LMX1A: variants seen among roughly 807,000 people sequenced by gnomAD.
LMX1A encodes the protein LIM homeobox transcription factor 1-alpha.
Under a neutral mutation model 49.1 loss-of-function variants are expected in LMX1A, and 15 were observed. That is an observed-to-expected ratio of 0.31 (90% CI 0.20 to 0.47). The LOEUF (loss-of-function observed/expected upper bound fraction) is 0.47, where lower values mean the gene tolerates loss of function less well. LMX1A is among the 20% of genes least tolerant of loss of function. The pLI, the probability that LMX1A is intolerant of heterozygous loss-of-function variation, is 1.00. For missense variants in LMX1A, 372 were observed against 475.8 expected (o/e 0.78, Z 2.03); for synonymous variants, 167 against 185.7 (o/e 0.90, Z 0.82).
rs145624230 is a variant in LMX1A at position 165,338,953 on chromosome 1, C to T, written c.263+14123G>A. Among the ~76,000 whole-genome samples the T allele has an allele frequency of 2.8e-4, 43 of 152,338 alleles. 1 individual carries two copies. In the East Asian group the frequency reaches 7.1e-3, roughly 25 times the overall value. On this transcript the variant is annotated intron_variant, in intron 3 of 8. Coordinates refer to ENST00000342310, the MANE Select transcript of LMX1A (RefSeq NM_177398.4). ...TGACCATACACTGTTCTCCCTCTCC[C>T]TGTCAAAACAATTAATTCTCCACCA...
chr1:165,291,790 G>A (rs910310521), intron 3 of LMX1A, among the ~76,000 whole-genome samples: 3 of 152,200 alleles, frequency 2.0e-5, no homozygotes, highest in Non-Finnish European at 2.9e-5. Flanking sequence ...GCGGCCGGGC[G>A]CGGTGGCTCA....
intron 3 of LMX1A, among the ~76,000 whole-genome samples, chr1:165,290,565 CA>C (rs1654440327): frequency 6.6e-6 from 1 of 152,148 alleles, no homozygotes; most frequent in South Asian, 2.1e-4. Context: ...TTAATTTAAT[CA>C]CATCTACAAA....
intron 3 of LMX1A, among the ~76,000 whole-genome samples, chr1:165,333,288 G>C (rs759152011): frequency 4.0e-4 from 61 of 152,184 alleles, no homozygotes; most frequent in Non-Finnish European, 5.1e-4. Flanking sequence ...CTCCCGAGTA[G>C]CTGGGATTAC....
At chr1:165,221,944 C>CACACACACACACAT (rs148884855) in intron 4 of LMX1A, among the ~76,000 whole-genome samples, 1 of 149,266 alleles carries the variant, frequency 6.7e-6, no homozygotes, top group Non-Finnish European at 1.5e-5. Flanking sequence ...CACACACACA[C>CACACACACACACAT]GCACACGCAC....
At chr1:165,257,205 T>C (rs1653280630) in intron 3 of LMX1A, among the ~76,000 whole-genome samples, 1 of 152,160 alleles carries the variant, frequency 6.6e-6, no homozygotes, top group Non-Finnish European at 1.5e-5. Context: ...AATCTGACCA[T>C]ATTTCAGTTC....
At chr1:165,210,672 G>A in intron 6 of LMX1A, 27 bp downstream of exon 6, 1 of 1,560,924 alleles carries the variant, frequency 6.4e-7, no homozygotes. Context: ...GCAACATGGG[G>A]ACAGATAAAA....
At chr1:165,271,560 G>A (rs1394827376) in intron 3 of LMX1A, among the ~76,000 whole-genome samples, 8 of 152,104 alleles carry the variant, frequency 5.3e-5, no homozygotes, top group South Asian at 2.1e-4. Context: ...ATAGCTAATC[G>A]AAGTACATGG....
intron 4 of LMX1A, among the ~76,000 whole-genome samples, chr1:165,229,351 G>C (rs988600588): frequency 4.6e-5 from 7 of 152,178 alleles, no homozygotes; most frequent in Non-Finnish European, 1.0e-4. Context: ...CTTGGGGAGA[G>C]CATTTATTAA....
intron 4 of LMX1A, among the ~76,000 whole-genome samples, chr1:165,216,927 T>C (rs1370123586): frequency 6.6e-6 from 1 of 152,152 alleles, no homozygotes; most frequent in African/African-American, 2.4e-5. Context: ...ACAGTGTTGT[T>C]GGAATTAAAT....
intron 3 of LMX1A, among the ~76,000 whole-genome samples, chr1:165,264,783 C>T (rs1012245130): frequency 6.6e-6 from 1 of 151,590 alleles, no homozygotes; most frequent in African/African-American, 2.4e-5. Context: ...TTGGGGAGAC[C>T]CCGTCTCAAT....
At chr1:165,283,802 A>G (rs1052819068) in intron 3 of LMX1A, among the ~76,000 whole-genome samples, 14 of 152,218 alleles carry the variant, frequency 9.2e-5, no homozygotes, top group African/African-American at 3.1e-4. Context: ...TAAAATACAC[A>G]CAAACACAAA....
intron 3 of LMX1A, among the ~76,000 whole-genome samples, chr1:165,297,447 T>C (rs1654647609): frequency 6.6e-6 from 1 of 152,224 alleles, no homozygotes; most frequent in Non-Finnish European, 1.5e-5. Flanking sequence ...CCTGGAAGTC[T>C]GGATTCTTAG....
At chr1:165,312,913 A>G (rs1202510404) in intron 3 of LMX1A, among the ~76,000 whole-genome samples, 2 of 152,252 alleles carry the variant, frequency 1.3e-5, no homozygotes, top group Non-Finnish European at 2.9e-5. Context: ...ATTTATATTT[A>G]GACTTCAGTG....
At chr1:165,238,930 T>C (rs1386080171) in intron 4 of LMX1A, among the ~76,000 whole-genome samples, 2 of 152,248 alleles carry the variant, frequency 1.3e-5, no homozygotes, top group Admixed American at 1.3e-4. Context: ...CTTCTTCCTC[T>C]GTAGAACGGA....
At chr1:165,330,467 T>C (rs1348897546) in intron 3 of LMX1A, among the ~76,000 whole-genome samples, 5 of 152,156 alleles carry the variant, frequency 3.3e-5, no homozygotes, top group Non-Finnish European at 4.4e-5. Flanking sequence ...AAAGACCTTG[T>C]CTCAAAAATA....
At chr1:165,351,981 C>T (rs915938337) in intron 3 of LMX1A, among the ~76,000 whole-genome samples, 5 of 152,150 alleles carry the variant, frequency 3.3e-5, no homozygotes, top group South Asian at 2.1e-4. Context: ...GAATTCTGCG[C>T]GTGCACGCGC....
chr1:165,318,774 G>A (rs1427774299), intron 3 of LMX1A, among the ~76,000 whole-genome samples: 6 of 152,080 alleles, frequency 3.9e-5, no homozygotes, highest in Non-Finnish European at 2.9e-5. Context: ...CTGTGGCCCT[G>A]AGAATAAAGA....
At chr1:165,343,747 A>G (rs1480630156) in intron 3 of LMX1A, among the ~76,000 whole-genome samples, 4 of 152,206 alleles carry the variant, frequency 2.6e-5, no homozygotes, top group Non-Finnish European at 4.4e-5. Flanking sequence ...AAGTGGGTGC[A>G]TAATACTGGC....
intron 4 of LMX1A, chr1:165,215,865 C>T (rs1419322656): frequency 6.6e-6 from 1 of 152,132 alleles, no homozygotes; most frequent in Non-Finnish European, 1.5e-5. Context: ...CCTTGGTTTC[C>T]ATAACTACAT....
Sources: allele counts gnomAD v4.1 joint callset (sites outside exome capture counted in the v4.1 genomes callset), GRCh38; gene constraint gnomAD v4.1.1; transcripts MANE v1.5; gene names NCBI Gene and HGNC (gene_info 2026-07-23, HGNC 2026-07-21).